Variants in SDK1 observed in about 807,000 individuals in gnomAD.
SDK1 encodes the protein protein sidekick-1.
In SDK1, 157 loss-of-function variants were observed where a neutral mutation model predicts 245.5. The observed-to-expected ratio is 0.64, with a 90% CI of 0.56 to 0.73. SDK1 has a LOEUF of 0.73. SDK1 is among the 30% of genes least tolerant of loss of function. SDK1 has a pLI of 0.00. For missense variants in SDK1, 3,583 were observed against 3,002.3 expected, an observed-to-expected ratio of 1.19 and a Z score of -4.52; for synonymous variants, 1,647 against 1,278.5, an observed-to-expected ratio of 1.29 and a Z score of -6.15.
intron 41 of SDK1, among the ~76,000 whole-genome samples, chr7:4,236,456 G>A (rs1355209933): frequency 6.6e-6 from 1 of 152,150 alleles, no homozygotes; most frequent in African/African-American, 2.4e-5. Context: ...CAGTCGTTCA[G>A]CTTGGTTTTG....
Position 3,317,600 on chromosome 7 carries a change from G to T in SDK1, c.298+15716G>T, listed in dbSNP as rs536962812. Among the ~76,000 whole-genome samples the T allele has an allele frequency of 2.0e-5, 3 of 152,182 alleles. No individual in the cohort carries two copies. In the East Asian group the frequency reaches 5.8e-4, roughly 29 times the overall value. ...TCCATTCATTGACTATCTTTAAGTG[G>T]CGTTTTTTCCTTCCCTACCTGTATT... On this transcript the variant is annotated intron_variant, in intron 1 of 44. Coordinates refer to ENST00000404826, the MANE Select transcript of SDK1 (RefSeq NM_152744.4).
intron 20 of SDK1, among the ~76,000 whole-genome samples, 168 bp from the exon 21 acceptor site, chr7:4,076,829 AG>A (rs1267620875): frequency 6.6e-6 from 1 of 152,128 alleles, no homozygotes; most frequent in Non-Finnish European, 1.5e-5. Context: ...ACACAGAGGA[AG>A]GAGCCTTGAC....
chr7:3,383,412 T>G (rs1781538116), intron 1 of SDK1, among the ~76,000 whole-genome samples: 1 of 152,048 alleles, frequency 6.6e-6, no homozygotes, highest in Non-Finnish European at 1.5e-5. Context: ...CTGTTTCTAT[T>G]AAAAAAACAC....
intron 14 of SDK1, among the ~76,000 whole-genome samples, chr7:3,988,432 C>T (rs567292008): frequency 1.7e-4 from 26 of 152,202 alleles, no homozygotes; most frequent in African/African-American, 2.4e-5. Flanking sequence ...CCAGCAGCAA[C>T]ACTGATCTTC....
chr7:3,821,615 C>T (rs770204525), intron 5 of SDK1, 32 bp downstream of exon 5: 1 of 1,606,054 alleles, frequency 6.2e-7, no homozygotes, highest in Non-Finnish European at 8.5e-7. Flanking sequence ...GGTAATTCTG[C>T]AAGCAATAAA....
At chr7:3,540,101 C>G (rs992155535) in intron 1 of SDK1, among the ~76,000 whole-genome samples, 2 of 152,206 alleles carry the variant, frequency 1.3e-5, no homozygotes, top group Non-Finnish European at 2.9e-5. Context: ...ATTGTCCTCT[C>G]TGGTAAACCC....
At chr7:4,065,967 C>G (rs1378812561) in intron 19 of SDK1, among the ~76,000 whole-genome samples, 1 of 152,020 alleles carries the variant, frequency 6.6e-6, no homozygotes. Flanking sequence ...GAAAGACTTG[C>G]ATTTTTTATT....
intron 18 of SDK1, among the ~76,000 whole-genome samples, chr7:4,050,370 CT>C (rs1789359875): frequency 6.6e-6 from 1 of 152,206 alleles, no homozygotes; most frequent in Non-Finnish European, 1.5e-5. Context: ...AAGCCAGAAG[CT>C]TTTGTGAAAG....
chr7:4,249,427 C>G (rs1173688252), intron 44 of SDK1, among the ~76,000 whole-genome samples: 1 of 152,218 alleles, frequency 6.6e-6, no homozygotes, highest in Non-Finnish European at 1.5e-5. Context: ...TGGAGGAAAG[C>G]GTTCCTGCAA....
At chr7:3,948,322 A>G (rs994892713) in intron 5 of SDK1, among the ~76,000 whole-genome samples, 6 of 130,048 alleles carry the variant, frequency 4.6e-5, no homozygotes, top group Non-Finnish European at 7.6e-5. Flanking sequence ...CAGTGATGCC[A>G]TCTCGGCTCA....
At chr7:3,911,836 C>T (rs537111649) in intron 5 of SDK1, among the ~76,000 whole-genome samples, 1 of 152,236 alleles carries the variant, frequency 6.6e-6, no homozygotes, top group African/African-American at 2.4e-5. Flanking sequence ...AAATTTCCCT[C>T]AGTAGTGAAT....
chr7:3,742,098 T>C (rs1337038525), intron 4 of SDK1, among the ~76,000 whole-genome samples: 1 of 151,376 alleles, frequency 6.6e-6, no homozygotes, highest in Non-Finnish European at 1.5e-5. Flanking sequence ...GTTTAAATTT[T>C]GTTTTCATAC....
At chr7:3,580,189 A>ACC (rs1183345139) in intron 1 of SDK1, among the ~76,000 whole-genome samples, 7 of 152,244 alleles carry the variant, frequency 4.6e-5, no homozygotes, top group Non-Finnish European at 8.8e-5. Context: ...GTTAGGAAGA[A>ACC]TCAGTATCAT....
chr7:4,253,494 C>T (rs1285260111), intron 44 of SDK1, among the ~76,000 whole-genome samples: 1 of 152,040 alleles, frequency 6.6e-6, no homozygotes, highest in Admixed American at 6.6e-5. Flanking sequence ...TCAGAGAAAC[C>T]ATAATTTATA....
chr7:3,302,100 C>A (rs981671148), intron 1 of SDK1: 3 of 243,396 alleles, frequency 1.2e-5, no homozygotes, highest in Non-Finnish European at 1.4e-5. Flanking sequence ...TGCTACTTTG[C>A]GTTTTATTTT....
intron 17 of SDK1, among the ~76,000 whole-genome samples, chr7:4,038,457 C>T (rs1788373416): frequency 6.6e-6 from 1 of 152,160 alleles, no homozygotes; most frequent in Admixed American, 6.5e-5. Context: ...ACACCAAGTG[C>T]CGTTACTAAC....
At chr7:4,159,461 C>T (rs1044100625) in intron 31 of SDK1, among the ~76,000 whole-genome samples, 20 of 152,244 alleles carry the variant, frequency 1.3e-4, no homozygotes, top group African/African-American at 4.6e-4. Flanking sequence ...GAGCCTCCAA[C>T]AGGCCCCAGC....
At chr7:3,399,053 G>A (rs1778811364) in intron 1 of SDK1, among the ~76,000 whole-genome samples, 2 of 152,058 alleles carry the variant, frequency 1.3e-5, no homozygotes, top group African/African-American at 4.8e-5. Context: ...TATCTCTTCA[G>A]TTATTCTTTC....
chr7:3,399,757 T>C (rs965407532), intron 1 of SDK1, among the ~76,000 whole-genome samples: 2 of 152,150 alleles, frequency 1.3e-5, no homozygotes, highest in Non-Finnish European at 2.9e-5. Flanking sequence ...TGAGGGGCTC[T>C]GTATATGTGT....
Sources: allele counts gnomAD v4.1 joint callset (sites outside exome capture counted in the v4.1 genomes callset), GRCh38; gene constraint gnomAD v4.1.1; transcripts MANE v1.5; gene names NCBI Gene and HGNC (gene_info 2026-07-23, HGNC 2026-07-21).